The following WWC1 variants were observed in gnomAD, a reference collection of about 807,000 sequenced individuals.
WWC1 encodes protein KIBRA.
WWC1 carries 55 observed loss-of-function variants against 138.4 expected under a neutral mutation model. That is an observed-to-expected ratio of 0.40 (90% CI 0.32 to 0.50). The LOEUF is 0.50. Among genes scored for constraint, WWC1 ranks in the 20% least tolerant of loss-of-function variants. WWC1 has a pLI of 0.72. For missense variants in WWC1, 1,226 were observed against 1,420.4 expected, an observed-to-expected ratio of 0.86 and a Z score of 2.20; for synonymous variants, 524 against 564.9, an observed-to-expected ratio of 0.93 and a Z score of 1.03.
At chr5:168,339,951 CT>C (rs773238407) in intron 1 of WWC1, among the ~76,000 whole-genome samples, 73 of 117,566 alleles carry the variant, frequency 6.2e-4, no homozygotes, top group African/African-American at 1.2e-3. Flanking sequence ...CTCTCTCCCC[CT>C]CTCCCTCTCT....
chr5:168,385,599 C>T (rs997096346), intron 3 of WWC1, among the ~76,000 whole-genome samples, 185 bp downstream of exon 3: 4 of 152,174 alleles, frequency 2.6e-5, no homozygotes, highest in South Asian at 2.1e-4. Context: ...TTGCCATTTG[C>T]GTTTCATTTT....
rs3138761 is a variant in WWC1, at chr5:168,295,483, C to CGTGTGTGTGTGTGTGT, written c.119+3233_119+3248dup. Among the ~76,000 whole-genome samples the CGTGTGTGTGTGTGTGT allele has an allele frequency of 3.0e-3, 422 of 142,562 alleles. 4 individuals are homozygous for CGTGTGTGTGTGTGTGT. The highest frequency in any genetic ancestry group is 1.0e-2 in the African/African-American group (377 of 37,844). 93.5% of individuals were successfully genotyped at this position (142,562 alleles called of 152,430 possible). A position where few individuals can be genotyped will look rare whatever the true frequency, so the allele number is the denominator to read the frequency against. On this transcript the variant is annotated intron_variant, in intron 1 of 22. Coordinates refer to ENST00000265293, the MANE Select transcript of WWC1 (RefSeq NM_015238.3). ...AAAATTGCACTAAAAATTTCTACTCCGTGTGTGTGTGTGTGTGTGTGTGTG... is the reference window on the plus strand; with the variant it reads ...AAAATTGCACTAAAAATTTCTACTCCGTGTGTGTGTGTGTGTGTGTGTGTGTGTGTGTGTGTGTGTG...
At chr5:168,429,927 C>CTGTT (rs1356843614) in intron 13 of WWC1, among the ~76,000 whole-genome samples, 1 of 152,068 alleles carries the variant, frequency 6.6e-6, no homozygotes, top group Non-Finnish European at 1.5e-5. Flanking sequence ...GAGTGAGACC[C>CTGTT]TGTTTCAAAA....
chr5:168,381,457 A>G (rs17731599), intron 2 of WWC1, among the ~76,000 whole-genome samples: 1,805 of 152,248 alleles, frequency 0.012, 28 homozygotes, highest in East Asian at 0.039. Flanking sequence ...CAATCGGCCC[A>G]TGTGTTTGTC....
intron 1 of WWC1, among the ~76,000 whole-genome samples, chr5:168,345,279 A>G (rs1241279156): frequency 6.6e-6 from 1 of 151,986 alleles, no homozygotes; most frequent in Non-Finnish European, 1.5e-5. Context: ...TAATTTTTGT[A>G]TTTTTAATAG....
chr5:168,461,040 C>A (rs775326886), intron 20 of WWC1, among the ~76,000 whole-genome samples: 3 of 152,142 alleles, frequency 2.0e-5, no homozygotes, highest in Non-Finnish European at 4.4e-5. Context: ...TAAGAACTAA[C>A]CAACCCAGCC....
At chr5:168,454,186 C>CTAAG in intron 18 of WWC1, 86 bp downstream of exon 18, 1 of 1,548,492 alleles carries the variant, frequency 6.5e-7, no homozygotes, top group Non-Finnish European at 8.7e-7. Context: ...AGACTCAGAG[C>CTAAG]TAAGTCTTGG....
chr5:168,413,987 A>C, intron 8 of WWC1: 1 of 234,848 alleles, frequency 4.3e-6, no homozygotes, highest in Non-Finnish European at 8.4e-6. Context: ...AAATAACATG[A>C]GGAAAGAGCT....
intron 19 of WWC1, 34 bp downstream of exon 19, chr5:168,455,554 C>T (rs757119806): frequency 6.2e-7 from 1 of 1,600,568 alleles, no homozygotes; most frequent in Admixed American, 1.7e-5. Flanking sequence ...CTGCTCCCCT[C>T]AGGGTAGCCG....
chr5:168,454,455 C>T (rs1228363315), intron 18 of WWC1, among the ~76,000 whole-genome samples: 1 of 152,206 alleles, frequency 6.6e-6, no homozygotes. Context: ...AAAATGGGCA[C>T]AATAATACCA....
rs113343508 is a variant in WWC1 at position 168,454,331 on chromosome 5, A to G, written c.2658+231A>G. ...ATTTTCCATGACTTCTCTGGACATA[A>G]CTCAAGCCTTGCAGTCAGACGGTTT... On this transcript the variant is annotated intron_variant, in intron 18 of 22. Coordinates refer to ENST00000265293, the MANE Select transcript of WWC1 (RefSeq NM_015238.3). Among the ~76,000 whole-genome samples the G allele has an allele frequency of 2.6e-3, 399 of 152,128 alleles. 4 individuals carry two copies. The highest frequency in any genetic ancestry group is 8.6e-3 in the African/African-American group (357 of 41,504).
intron 1 of WWC1, among the ~76,000 whole-genome samples, chr5:168,341,168 G>C (rs377079763): frequency 2.0e-5 from 3 of 152,156 alleles, no homozygotes; most frequent in Admixed American, 6.5e-5. Flanking sequence ...GATTACAGTC[G>C]AGAGTTGCAA....
intron 1 of WWC1, among the ~76,000 whole-genome samples, chr5:168,333,225 C>A (rs143797171): frequency 7.3e-4 from 111 of 152,326 alleles, no homozygotes; most frequent in African/African-American, 2.6e-3. Flanking sequence ...AATTCACTAA[C>A]CAATTGACTA....
In WWC1 at chr5:168,292,061, C is replaced by T; in HGVS notation, c.-92C>T. On this transcript the variant is annotated 5_prime_UTR_variant, in exon 1 of 23. Coordinates refer to ENST00000265293, the MANE Select transcript of WWC1 (RefSeq NM_015238.3). The surrounding 1 kb of genome is among the most constrained non-coding windows in gnomAD (Gnocchi z 4.4). ...CACCCCCCGGATCATGGTGCCTCGGCGGCCGCCCGGGCTAAGAGCGGCCGG... is the reference window on the plus strand; with the variant it reads ...CACCCCCCGGATCATGGTGCCTCGGTGGCCGCCCGGGCTAAGAGCGGCCGG... 1 of 1,371,074 alleles carries T rather than the reference C, an allele frequency of 7.3e-7. No individual in the cohort carries two copies. The highest frequency in any genetic ancestry group is 9.4e-7 in the Non-Finnish European group (1 of 1,064,776). 84.9% of individuals were successfully genotyped at this position (1,371,074 alleles called of 1,614,324 possible). A position where few individuals can be genotyped will look rare whatever the true frequency, so the allele number is the denominator to read the frequency against.
chr5:168,312,768 G>A (rs931012513), intron 1 of WWC1, among the ~76,000 whole-genome samples: 1 of 151,440 alleles, frequency 6.6e-6, no homozygotes, highest in Non-Finnish European at 1.5e-5. Flanking sequence ...GCCAACCGCA[G>A]CAGCTGCCCA....
intron 9 of WWC1, 21 bp downstream of exon 9, chr5:168,414,611 T>A: frequency 6.5e-7 from 1 of 1,539,106 alleles, no homozygotes; most frequent in Non-Finnish European, 8.8e-7. Flanking sequence ...GGCCCCAGGG[T>A]GTGTAGGACC....
chr5:168,466,086 G>A (rs926533196), intron 21 of WWC1, among the ~76,000 whole-genome samples: 2 of 152,110 alleles, frequency 1.3e-5, no homozygotes, highest in South Asian at 2.1e-4. Context: ...TAGGCCCAGG[G>A]TTTATCTATC....
intron 2 of WWC1, among the ~76,000 whole-genome samples, chr5:168,379,545 A>G (rs1777465080): frequency 6.6e-6 from 1 of 152,042 alleles, no homozygotes; most frequent in Non-Finnish European, 1.5e-5. Context: ...GATTACAGGC[A>G]TACACCACCA....
At position 168,423,579 on chromosome 5, in the gene WWC1, T is replaced by C. The variant is rs1781287347; in HGVS notation, c.1321T>C (p.Ser441Pro). The change falls in exon 11 of 23, where the codon TCC becomes CCC. Residue 441 changes from serine (S) to proline (P), a missense_variant. By Grantham distance (74) the Ser-to-Pro change is moderately conservative. Coordinates refer to ENST00000265293, the MANE Select transcript of WWC1 (RefSeq NM_015238.3). ...CCTGTCCTCAGGCAGCAGCCCCGGA[T>C]CCCTCACGTCCAGCCGGGGCTCCCT... is the stretch of plus-strand genomic sequence containing the variant. ...QSLSSGSSPG[S>P]LTSSRGSLVA... is the part of the protein sequence containing the mutation. The C allele has an allele frequency of 6.2e-7, 1 of 1,613,842 alleles. No individual in the cohort carries two copies. The highest frequency in any genetic ancestry group is 1.7e-5 in the Admixed American group (1 of 59,984).
Sources: allele counts gnomAD v4.1 joint callset (sites outside exome capture counted in the v4.1 genomes callset), GRCh38; gene constraint gnomAD v4.1.1; non-coding constraint Gnocchi (gnomAD v3.1); transcripts MANE v1.5; gene names NCBI Gene and HGNC (gene_info 2026-07-23, HGNC 2026-07-21).